Variants in CCDC91 observed in about 807,000 individuals in gnomAD.
CCDC91 encodes the protein coiled-coil domain-containing protein 91.
A neutral mutation model predicts 63.2 loss-of-function variants in CCDC91; 48 were observed. The observed-to-expected ratio is 0.76, with a 90% CI of 0.60 to 0.97. The LOEUF (loss-of-function observed/expected upper bound fraction) is 0.97, where lower values mean the gene tolerates loss of function less well. CCDC91 is among the 50% of genes least tolerant of loss of function. CCDC91 has a pLI of 0.00. For synonymous variants in CCDC91, 167 were observed against 165.8 expected (o/e 1.01, Z -0.06); for missense variants, 500 against 494.6 (o/e 1.01, Z -0.10).
At chr12:28,285,242 G>A (rs1358245214) in intron 3 of CCDC91, among the ~76,000 whole-genome samples, 3 of 152,098 alleles carry the variant, frequency 2.0e-5, no homozygotes, top group Non-Finnish European at 2.9e-5. Flanking sequence ...CTCTGAAGGG[G>A]CTTTCGAGAT....
intron 1 of CCDC91, among the ~76,000 whole-genome samples, chr12:28,243,517 C>T (rs1427789389): frequency 1.3e-5 from 2 of 151,994 alleles, no homozygotes; most frequent in Admixed American, 6.6e-5. Context: ...AGTACCTCTC[C>T]TATTAAAGTG....
At chr12:28,473,966 A>G (rs1274656939) in intron 11 of CCDC91, among the ~76,000 whole-genome samples, 2 of 128,970 alleles carry the variant, frequency 1.6e-5, no homozygotes, top group African/African-American at 6.6e-5. Context: ...TGTAGTGTGC[A>G]TGTGTGTTTG....
chr12:28,525,200 G>A (rs1411756348), intron 12 of CCDC91, among the ~76,000 whole-genome samples: 1 of 151,986 alleles, frequency 6.6e-6, no homozygotes, highest in Non-Finnish European at 1.5e-5. Context: ...TAGATTATCT[G>A]TTTGTGCTCT....
intron 12 of CCDC91, among the ~76,000 whole-genome samples, chr12:28,525,643 A>T (rs182917886): frequency 1.0e-3 from 154 of 152,052 alleles, no homozygotes; most frequent in African/African-American, 3.4e-3. Context: ...GTTTAAATGC[A>T]TTGTTATTTT....
intron 3 of CCDC91, among the ~76,000 whole-genome samples, chr12:28,284,961 G>A (rs1411984793): frequency 1.3e-5 from 2 of 152,220 alleles, no homozygotes; most frequent in East Asian, 1.9e-4. Flanking sequence ...TGAACTCAAC[G>A]TTTTTTGAGG....
chr12:28,445,989 G>A (rs1285262773), intron 8 of CCDC91, among the ~76,000 whole-genome samples: 1 of 152,102 alleles, frequency 6.6e-6, no homozygotes, highest in African/African-American at 2.4e-5. Context: ...GGGATTTATT[G>A]TACATCCTAG....
intron 6 of CCDC91, among the ~76,000 whole-genome samples, chr12:28,333,385 A>C (rs1236716323): frequency 6.9e-6 from 1 of 144,422 alleles, no homozygotes; most frequent in East Asian, 2.0e-4. Context: ...ACAGAGCAAG[A>C]CTCCATCTCA....
intron 7 of CCDC91, among the ~76,000 whole-genome samples, chr12:28,372,240 G>C (rs537860312): frequency 6.6e-6 from 1 of 152,110 alleles, no homozygotes; most frequent in Non-Finnish European, 1.5e-5. Context: ...GGTTACTACA[G>C]CTTTGTAGTA....
At chr12:28,330,093 T>C (rs1941369643) in intron 6 of CCDC91, among the ~76,000 whole-genome samples, 1 of 152,220 alleles carries the variant, frequency 6.6e-6, no homozygotes, top group Non-Finnish European at 1.5e-5. Flanking sequence ...CCTGTGTCTT[T>C]ATAGTAGCAT....
chr12:28,516,027 G>A (rs562357260), intron 12 of CCDC91, among the ~76,000 whole-genome samples: 1 of 152,036 alleles, frequency 6.6e-6, no homozygotes, highest in South Asian at 2.1e-4. Context: ...GAGCAATCTG[G>A]CATTTTAAGA....
intron 8 of CCDC91, among the ~76,000 whole-genome samples, chr12:28,423,762 T>A (rs2137070): frequency 0.033 from 5,033 of 152,086 alleles, 126 homozygotes; most frequent in South Asian, 0.1. Flanking sequence ...TCAAAGAAAA[T>A]TTTAAAAACT....
chr12:28,345,900 G>A (rs1353082634), intron 6 of CCDC91, among the ~76,000 whole-genome samples: 2 of 152,042 alleles, frequency 1.3e-5, no homozygotes. Context: ...GGTTATGTCA[G>A]TGCCATTGAT....
intron 8 of CCDC91, among the ~76,000 whole-genome samples, chr12:28,404,978 A>G (rs1447937599): frequency 6.6e-6 from 1 of 152,066 alleles, no homozygotes; most frequent in Non-Finnish European, 1.5e-5. Context: ...GACCATTGAC[A>G]TTTACAATAG....
chr12:28,326,355 AT>A (rs1458636938), intron 6 of CCDC91, among the ~76,000 whole-genome samples: 1 of 146,320 alleles, frequency 6.8e-6, no homozygotes, highest in Non-Finnish European at 1.5e-5. Context: ...TGTTTGAATG[AT>A]TTTTATTTTT....
At chr12:28,442,808 T>A (rs1181916500) in intron 8 of CCDC91, among the ~76,000 whole-genome samples, 1 of 152,020 alleles carries the variant, frequency 6.6e-6, no homozygotes, top group Non-Finnish European at 1.5e-5. Flanking sequence ...GGGAACAAGG[T>A]TTTAAAGTAT....
intron 1 of CCDC91, among the ~76,000 whole-genome samples, chr12:28,202,448 A>G (rs188808284): frequency 3.9e-5 from 6 of 152,258 alleles, no homozygotes; most frequent in Admixed American, 2.0e-4. Flanking sequence ...ATTTGTTTGC[A>G]TAGTGACTTT....
At chr12:28,216,517 G>T (rs116619255) in intron 1 of CCDC91, among the ~76,000 whole-genome samples, 2,284 of 152,000 alleles carry the variant, frequency 0.015, 69 homozygotes, top group African/African-American at 0.052. Context: ...GGTGGACTTT[G>T]TCTACTCTCC....
intron 6 of CCDC91, among the ~76,000 whole-genome samples, chr12:28,356,717 C>G (rs1248771830): frequency 2.6e-5 from 4 of 152,090 alleles, no homozygotes; most frequent in Non-Finnish European, 5.9e-5. Flanking sequence ...AAACCTTTCT[C>G]AATCAGATAA....
chr12:28,271,507 A>G (rs1193439634), intron 3 of CCDC91, among the ~76,000 whole-genome samples: 11 of 151,944 alleles, frequency 7.2e-5, no homozygotes, highest in Non-Finnish European at 1.6e-4. Context: ...TGATACTTGA[A>G]TTTTTTAAAA....
Sources: gnomAD v4.1 joint callset for allele counts (sites outside exome capture counted in the v4.1 genomes callset) on GRCh38, gnomAD v4.1.1 for gene constraint, MANE v1.5 for transcripts, NCBI Gene and HGNC (gene_info 2026-07-23, HGNC 2026-07-21) for gene names.